Variants in FBXL20 observed in about 807,000 individuals in gnomAD.
FBXL20 encodes the protein F-box/LRR-repeat protein 20.
A neutral mutation model predicts 64.0 loss-of-function variants in FBXL20; 11 were observed. The observed-to-expected ratio is 0.17, with a 90% CI of 0.11 to 0.28. The LOEUF is 0.28. FBXL20 is among the 10% of genes least tolerant of loss of function. The pLI is 1.00. For synonymous variants in FBXL20, 184 were observed against 189.0 expected (o/e 0.97, Z 0.22); for missense variants, 303 against 526.2 (o/e 0.58, Z 4.15).
At chr17:39,304,766 T>C (rs2047166807) in intron 2 of FBXL20, among the ~76,000 whole-genome samples, 1 of 151,904 alleles carries the variant, frequency 6.6e-6, no homozygotes, top group Non-Finnish European at 1.5e-5. Context: ...TAATTTTTTT[T>C]TGTTGTTGTT....
chr17:39,310,980 T>C (rs1219145377), intron 2 of FBXL20, among the ~76,000 whole-genome samples: 1 of 151,122 alleles, frequency 6.6e-6, no homozygotes, highest in Non-Finnish European at 1.5e-5. Flanking sequence ...AGTGAGACTC[T>C]CTCTCAAAAA....
At chr17:39,344,113 T>C (rs1194330546) in intron 1 of FBXL20, among the ~76,000 whole-genome samples, 1 of 152,128 alleles carries the variant, frequency 6.6e-6, no homozygotes, top group Non-Finnish European at 1.5e-5. Context: ...CCACCCGCCT[T>C]GGCCTCCCAA....
intron 1 of FBXL20, among the ~76,000 whole-genome samples, chr17:39,389,808 A>T (rs981308047): frequency 2.0e-5 from 3 of 152,110 alleles, no homozygotes; most frequent in African/African-American, 4.8e-5. Flanking sequence ...ACAGAGTGAG[A>T]CTCTGTCTCT....
In FBXL20 at chr17:39,353,266, T is replaced by C. The variant is rs1372400431; in HGVS notation, c.43-10025A>G. Among the ~76,000 whole-genome samples, 6 of 152,196 alleles carry C rather than the reference T, an allele frequency of 3.9e-5. No individual in the cohort carries two copies. The South Asian group carries it at 8.3e-4, about 21-fold the overall frequency. ...AGGCAGCTAAACCTACTAAAACATA[T>C]GCAGCTAAACTTACTAAAACTTACT... On this transcript the variant is annotated intron_variant, in intron 1 of 14. Coordinates refer to ENST00000264658, the MANE Select transcript of FBXL20 (RefSeq NM_032875.3).
At chr17:39,369,256 CTTTTTT>C (rs72363930) in intron 1 of FBXL20, among the ~76,000 whole-genome samples, 1 of 98,578 alleles carries the variant, frequency 1.0e-5, no homozygotes, top group Admixed American at 1.2e-4. Flanking sequence ...GAATTCAATG[CTTTTTT>C]TTTTTTTTTT....
At chr17:39,298,408 G>A (rs867792094) in intron 5 of FBXL20, among the ~76,000 whole-genome samples, 12 of 152,242 alleles carry the variant, frequency 7.9e-5, no homozygotes, top group Middle Eastern at 3.4e-3. Context: ...GCCCAGGTTA[G>A]GGTTAACCAT....
At chr17:39,268,543 A>G (rs2046812241) in intron 12 of FBXL20, among the ~76,000 whole-genome samples, 1 of 152,160 alleles carries the variant, frequency 6.6e-6, no homozygotes, top group Non-Finnish European at 1.5e-5. Context: ...TACTAGCATC[A>G]TAACTCTACA....
At chr17:39,398,994 A>T (rs973915204) in intron 1 of FBXL20, among the ~76,000 whole-genome samples, 17 of 152,090 alleles carry the variant, frequency 1.1e-4, no homozygotes, top group South Asian at 6.2e-4. Flanking sequence ...AATTAAAAAA[A>T]TTTTTTTTCT....
At chr17:39,315,687 CCA>C (rs2144496923) in intron 2 of FBXL20, among the ~76,000 whole-genome samples, 1 of 151,950 alleles carries the variant, frequency 6.6e-6, no homozygotes, top group South Asian at 2.1e-4. Context: ...AGAAGGGCAT[CCA>C]CACAGAGGAT....
chr17:39,395,812 G>A (rs1332985761), intron 1 of FBXL20, among the ~76,000 whole-genome samples: 1 of 152,178 alleles, frequency 6.6e-6, no homozygotes, highest in African/African-American at 2.4e-5. Flanking sequence ...TGAAAAGCAG[G>A]AGTATGAGTG....
In FBXL20 at chr17:39,254,882, C is replaced by A. The variant is rs560537376; in HGVS notation, c.*6578G>T. On this transcript the variant is annotated 3_prime_UTR_variant, in exon 15 of 15. Coordinates refer to ENST00000264658, the MANE Select transcript of FBXL20 (RefSeq NM_032875.3). ...TTCTTTGTAAAACAGCAATAAACCA[C>A]CCTGGCTGAGGAAGCACTGAGACTC... 7.2e-5 allele frequency: 11 copies of A among 152,968 alleles called. No individual in the cohort carries two copies. In the South Asian group the frequency reaches 2.3e-3, roughly 32 times the overall value. The allele number at this position is 152,968 out of a possible 1,614,324, so 9.5% of individuals were successfully genotyped here.
intron 1 of FBXL20, among the ~76,000 whole-genome samples, chr17:39,373,716 T>C (rs1024756185): frequency 1.3e-5 from 2 of 152,206 alleles, no homozygotes; most frequent in Non-Finnish European, 1.5e-5. Context: ...GTGTTCAATT[T>C]TGTCTAGCCT....
intron 1 of FBXL20, among the ~76,000 whole-genome samples, chr17:39,374,959 G>A (rs1012075085): frequency 1.3e-5 from 2 of 152,070 alleles, no homozygotes; most frequent in South Asian, 2.1e-4. Flanking sequence ...GCTAATTTTC[G>A]TATTTTTAGT....
chr17:39,388,529 G>A (rs963159397), intron 1 of FBXL20, among the ~76,000 whole-genome samples: 10 of 150,496 alleles, frequency 6.6e-5, no homozygotes, highest in African/African-American at 2.4e-4. Flanking sequence ...TGTCGCCCAG[G>A]CTGGAGTGCA....
chr17:39,259,062 G>A lies in FBXL20; in HGVS notation c.*2398C>T, dbSNP rs894781052. On this transcript the variant is annotated 3_prime_UTR_variant, in exon 15 of 15. Transcript: ENST00000264658. ...TTAATATGATAAATATTAATGGATA[G>A]TATAGACTTCTAAGACCCTTTCATC... 17 of 152,148 alleles carry A rather than the reference G, an allele frequency of 1.1e-4. No homozygotes were observed. The highest frequency in any genetic ancestry group is 2.5e-4 in the Non-Finnish European group (17 of 68,048). The allele number at this position is 152,148 out of a possible 1,614,324, so 9.4% of individuals were successfully genotyped here. A position where few individuals can be genotyped will look rare whatever the true frequency, so the allele number is the denominator to read the frequency against.
chr17:39,352,637 G>A (rs2047698117), intron 1 of FBXL20, among the ~76,000 whole-genome samples: 3 of 149,986 alleles, frequency 2.0e-5, no homozygotes, highest in African/African-American at 7.4e-5. Context: ...GCCGAGATCA[G>A]GCTACTGCAC....
chr17:39,379,578 G>C (rs891944086), intron 1 of FBXL20, among the ~76,000 whole-genome samples: 2 of 151,116 alleles, frequency 1.3e-5, no homozygotes, highest in Non-Finnish European at 2.9e-5. Context: ...TCAGGAGTTT[G>C]AGACCAGCCC....
chr17:39,295,270 A>C (rs982450720), intron 6 of FBXL20, among the ~76,000 whole-genome samples: 9 of 152,114 alleles, frequency 5.9e-5, no homozygotes, highest in Admixed American at 4.6e-4. Context: ...CTTGGGTTCA[A>C]GGGGTTTTTT....
chr17:39,270,861 T>TAAAAAAAAA lies in FBXL20; in HGVS notation c.828-14_828-6dup. On this transcript the variant is annotated splice_polypyrimidine_tract_variant and splice_region_variant and intron_variant, in intron 10 of 14. Coordinates refer to ENST00000264658, the MANE Select transcript of FBXL20 (RefSeq NM_032875.3). Reference sequence around the variant, plus strand: ...CATCTTGCCACTTCCAATATTCTGTTAAAAAAAAAAAAAAAACAGTGAAAG... The same window carrying TAAAAAAAAA: ...CATCTTGCCACTTCCAATATTCTGTTAAAAAAAAAAAAAAAAAAAAAAAAACAGTGAAAG... 1.5e-6 allele frequency: 2 copies of TAAAAAAAAA among 1,355,348 alleles called. No individual in the cohort carries two copies. Among genetic ancestry groups the TAAAAAAAAA allele is most frequent in the Non-Finnish European group, 2.0e-6 (2 of 1,004,422 alleles). The allele number at this position is 1,355,348 out of a possible 1,614,324, so 84.0% of individuals were successfully genotyped here.
Sources: gnomAD v4.1 joint callset for allele counts (sites outside exome capture counted in the v4.1 genomes callset) on GRCh38, gnomAD v4.1.1 for gene constraint, MANE v1.5 for transcripts, NCBI Gene and HGNC (gene_info 2026-07-23, HGNC 2026-07-21) for gene names.